The following PDE3B variants were observed in gnomAD, a reference collection of about 807,000 sequenced individuals.
PDE3B encodes the protein phosphodiesterase 3B.
In PDE3B, 66 loss-of-function variants were observed where a neutral mutation model predicts 116.8. The ratio of observed to expected loss-of-function variants is 0.56; its 90% CI spans 0.46 to 0.69. The LOEUF (loss-of-function observed/expected upper bound fraction) is 0.69. Ranked by LOEUF, PDE3B falls within the 30% of genes least tolerant of loss-of-function variation. PDE3B has a pLI of 0.00. For missense variants in PDE3B, 1,384 were observed against 1,368.1 expected (o/e 1.01, Z -0.18); for synonymous variants, 595 against 533.6 (o/e 1.12, Z -1.59).
chr11:14,895,571 C>A, the PDE3B span, among the ~76,000 whole-genome samples: 1 of 147,654 alleles, frequency 6.8e-6, no homozygotes, highest in African/African-American at 2.5e-5. Flanking sequence ...TGTGTAGAAA[C>A]TGAATTCGTG....
At position 14,768,070 on chromosome 11, in the gene PDE3B, T is replaced by TA. The variant is rs1266283574; in HGVS notation, c.979-3857dup. ...AAGCATGCTTTAGAACCTACCATGT[T>TA]AAAAAAAAAAGTATTATTCCCACAT... On this transcript the variant is annotated intron_variant, in intron 1 of 15. Transcript: ENST00000282096. Among the ~76,000 whole-genome samples, 309 of 147,852 alleles carry TA rather than the reference T, an allele frequency of 2.1e-3. 1 individual carries two copies. The highest frequency in any genetic ancestry group is 6.6e-3 in the African/African-American group (270 of 40,618).
In PDE3B at chr11:14,778,106, C is replaced by T. The variant is rs372618332; in HGVS notation, c.1029+6119C>T. On this transcript the variant is annotated intron_variant, in intron 2 of 15. Transcript: ENST00000282096. ...CTAAGATGGAACTGCAAAGCAGCAG[C>T]GAGGCTGGGGGAGGGGTGCCCACCA... is the stretch of plus-strand genomic sequence containing the variant. Among the ~76,000 whole-genome samples the T allele has an allele frequency of 3.5e-4, 54 of 152,282 alleles. No homozygotes were observed. In the South Asian group the frequency reaches 6.0e-3, roughly 17 times the overall value.
intron 1 of PDE3B, among the ~76,000 whole-genome samples, chr11:14,714,062 CT>C (rs946045023): frequency 4.0e-5 from 6 of 151,158 alleles, no homozygotes; most frequent in Non-Finnish European, 8.9e-5. Context: ...GCGCGTGTGA[CT>C]TTTTTTTTAA....
chr11:14,777,528 G>A (rs915321068), intron 2 of PDE3B, among the ~76,000 whole-genome samples: 3 of 152,116 alleles, frequency 2.0e-5, no homozygotes, highest in African/African-American at 7.2e-5. Flanking sequence ...ATAACCTATA[G>A]GGGAACACCA....
chr11:14,830,114 TG>T (rs1389146297), intron 7 of PDE3B, among the ~76,000 whole-genome samples: 1 of 152,162 alleles, frequency 6.6e-6, no homozygotes, highest in Non-Finnish European at 1.5e-5. Flanking sequence ...TTTATTCTAC[TG>T]TCGATAGGTT....
chr11:14,644,200 A>G lies in PDE3B; in HGVS notation c.125A>G (p.Asp42Gly). ...AGCTGCGTGAGCCCCTTGCGGCAGG[A>G]CCCTCCGCGCGGCTTCTTCTTCCAC... ...VKSCVSPLRQ[D>G]PPRGFFFHLC... Residue 42 changes from aspartate to glycine, a missense_variant, in exon 1 of 16, where the codon GAC (aspartate) becomes GGC (glycine). Coordinates refer to ENST00000282096, the MANE Select transcript of PDE3B (RefSeq NM_000922.4). 1 of 1,593,272 alleles carries G rather than the reference A, an allele frequency of 6.3e-7. No individual in the cohort carries two copies. Among genetic ancestry groups the G allele is most frequent in the Non-Finnish European group, 8.5e-7 (1 of 1,176,992 alleles).
the PDE3B span, chr11:14,878,203 A>T: frequency 6.2e-7 from 1 of 1,613,312 alleles, no homozygotes; most frequent in Middle Eastern, 1.7e-4. Context: ...GAACTAGTTC[A>T]TGTGGAAAAT....
At chr11:14,776,273 A>G (rs1156348949) in intron 2 of PDE3B, 1 of 152,266 alleles carries the variant, frequency 6.6e-6, no homozygotes, top group Non-Finnish European at 1.5e-5. Flanking sequence ...ATCAGTGACC[A>G]GGGAGAAGCA....
At chr11:14,758,054 A>C (rs1313795797) in intron 1 of PDE3B, among the ~76,000 whole-genome samples, 1 of 151,856 alleles carries the variant, frequency 6.6e-6, no homozygotes, top group East Asian at 1.9e-4. Flanking sequence ...CATTTATTAA[A>C]TAGGGAATCC....
At chr11:14,705,502 C>T (rs1465482713) in intron 1 of PDE3B, among the ~76,000 whole-genome samples, 1 of 151,708 alleles carries the variant, frequency 6.6e-6, no homozygotes, top group Non-Finnish European at 1.5e-5. Context: ...AGTTTGACTG[C>T]AGAGGCACAT....
chr11:14,819,060 C>A, intron 6 of PDE3B, 76 bp from the exon 7 acceptor site: 1 of 854,510 alleles, frequency 1.2e-6, no homozygotes, highest in Non-Finnish European at 1.9e-6. Flanking sequence ...AAAAATTAAA[C>A]AGATTTTCTA....
At chr11:14,831,036 T>C (rs570834079) in intron 8 of PDE3B, among the ~76,000 whole-genome samples, 190 bp downstream of exon 8, 5 of 151,936 alleles carry the variant, frequency 3.3e-5, no homozygotes, top group Admixed American at 6.5e-5. Context: ...AATTCTATCA[T>C]CCTAAAGCAA....
intron 2 of PDE3B, among the ~76,000 whole-genome samples, chr11:14,781,463 T>C (rs758482088): frequency 3.9e-5 from 6 of 152,164 alleles, no homozygotes; most frequent in Non-Finnish European, 8.8e-5. Flanking sequence ...TTATCCACCA[T>C]GATCAAGTGC....
intron 11 of PDE3B, among the ~76,000 whole-genome samples, chr11:14,836,833 G>C (rs567551336): frequency 6.6e-6 from 1 of 151,992 alleles, no homozygotes; most frequent in Non-Finnish European, 1.5e-5. Flanking sequence ...TTTTGGAGAC[G>C]GTGTCTCACT....
At chr11:14,743,394 G>A (rs189987049) in intron 1 of PDE3B, among the ~76,000 whole-genome samples, 46 of 152,278 alleles carry the variant, frequency 3.0e-4, no homozygotes, top group Admixed American at 5.9e-4. Flanking sequence ...TCTCAGTAAT[G>A]GCAGACACCC....
intron 7 of PDE3B, among the ~76,000 whole-genome samples, chr11:14,825,780 GGATCT>G (rs1011140162): frequency 2.0e-5 from 3 of 152,118 alleles, no homozygotes; most frequent in Admixed American, 6.5e-5. Context: ...GGGACCAAAT[GGATCT>G]GATAGACCTC....
intron 1 of PDE3B, among the ~76,000 whole-genome samples, chr11:14,663,141 G>A (rs1312463432): frequency 6.6e-6 from 1 of 152,114 alleles, no homozygotes; most frequent in African/African-American, 2.4e-5. Flanking sequence ...AGAAGAGAGT[G>A]GGGGCCAATA....
At chr11:14,767,964 T>G (rs1857542609) in intron 1 of PDE3B, among the ~76,000 whole-genome samples, 1 of 151,414 alleles carries the variant, frequency 6.6e-6, no homozygotes, top group Admixed American at 6.6e-5. Flanking sequence ...AGTATTTTCA[T>G]TAAGTATTTG....
At chr11:14,676,508 A>C (rs965322994) in intron 1 of PDE3B, among the ~76,000 whole-genome samples, 1 of 152,300 alleles carries the variant, frequency 6.6e-6, no homozygotes, top group South Asian at 2.1e-4. Flanking sequence ...CTTACCATGA[A>C]TGGAGCTTGC....
Sources: gnomAD v4.1 joint callset for allele counts (sites outside exome capture counted in the v4.1 genomes callset) on GRCh38, gnomAD v4.1.1 for gene constraint, MANE v1.5 for transcripts, NCBI Gene and HGNC (gene_info 2026-07-23, HGNC 2026-07-21) for gene names.